The following ROBO2 variants were observed in gnomAD, a reference collection of about 807,000 sequenced individuals.
The protein encoded by ROBO2 is roundabout homolog 2.
In ROBO2, 53 loss-of-function variants were observed where a neutral mutation model predicts 160.8. The observed-to-expected ratio is 0.33, with a 90% CI of 0.26 to 0.41. The LOEUF (loss-of-function observed/expected upper bound fraction) is 0.41. Among genes scored for constraint, ROBO2 ranks in the 10% least tolerant of loss-of-function variants. The pLI, the probability that ROBO2 is intolerant of heterozygous loss-of-function variation, is 1.00. For synonymous variants in ROBO2, 664 were observed against 611.7 expected (o/e 1.09, Z -1.26); for missense variants, 1,577 against 1,722.4 (o/e 0.92, Z 1.49).
At chr3:76,428,148 TA>T (rs538169341) in intron 2 of ROBO2, among the ~76,000 whole-genome samples, 275 of 152,218 alleles carry the variant, frequency 1.8e-3, no homozygotes, top group South Asian at 5.0e-3. Context: ...CAGCAGGAAA[TA>T]TTAAAATATA....
intron 2 of ROBO2, among the ~76,000 whole-genome samples, chr3:77,372,687 C>G (rs538110616): frequency 6.6e-6 from 1 of 152,156 alleles, no homozygotes; most frequent in South Asian, 2.1e-4. Flanking sequence ...ACAATTCTTT[C>G]TCGGTACAGG....
intron 2 of ROBO2, among the ~76,000 whole-genome samples, chr3:76,262,625 A>G (rs548006631): frequency 6.6e-6 from 1 of 152,232 alleles, no homozygotes; most frequent in South Asian, 2.1e-4. Context: ...CAGCTTTTCT[A>G]ATCTCCCACA....
chr3:77,279,578 TGTG>T (rs1391708856), intron 2 of ROBO2, among the ~76,000 whole-genome samples: 2 of 152,156 alleles, frequency 1.3e-5, no homozygotes, highest in African/African-American at 2.4e-5. Flanking sequence ...TCATTTCTGT[TGTG>T]GTTGTTGTTT....
rs1559706468 is a variant in ROBO2 at position 76,272,937 on chromosome 3, A to AAATATATATATTT, written c.109+335336_109+335337insATATATATATTTA. ...TATAAAATATATATATTTATATATA[A>AAATATATATATTT]ATATATAAAATATATAATATATATT... On this transcript the variant is annotated intron_variant, in intron 2 of 26. Coordinates refer to the ROBO2 transcript ENST00000487694. Among the ~76,000 whole-genome samples the AAATATATATATTT allele has an allele frequency of 8.9e-3, 208 of 23,326 alleles. 3 individuals carry two copies. Among genetic ancestry groups the AAATATATATATTT allele is most frequent in the Middle Eastern group, 0.045 (1 of 22 alleles). The allele number at this position is 23,326 out of a possible 152,430, so 15.3% of individuals were successfully genotyped here.
At chr3:76,903,220 A>G (rs1412378627) in intron 2 of ROBO2, among the ~76,000 whole-genome samples, 1 of 152,120 alleles carries the variant, frequency 6.6e-6, no homozygotes, top group East Asian at 1.9e-4. Flanking sequence ...TTGCATCTTT[A>G]TCAAAACCAA....
intron 2 of ROBO2, among the ~76,000 whole-genome samples, chr3:76,895,580 T>C (rs1476086049): frequency 6.6e-6 from 1 of 152,154 alleles, no homozygotes. Flanking sequence ...GTTTTAAAAA[T>C]AGCTTTGTAA....
chr3:77,214,657 G>T (rs1438738762), intron 2 of ROBO2, among the ~76,000 whole-genome samples: 1 of 152,178 alleles, frequency 6.6e-6, no homozygotes, highest in Non-Finnish European at 1.5e-5. Flanking sequence ...ATTAGTTGAT[G>T]CAGTTTCTTC....
intron 2 of ROBO2, among the ~76,000 whole-genome samples, chr3:76,078,066 G>T (rs1221145635): frequency 6.6e-6 from 1 of 152,044 alleles, no homozygotes; most frequent in Admixed American, 6.6e-5. Context: ...CACAATACTG[G>T]AATATATTCT....
intron 2 of ROBO2, among the ~76,000 whole-genome samples, chr3:76,111,701 ACT>A (rs1416515742): frequency 7.9e-5 from 12 of 151,866 alleles, no homozygotes; most frequent in Non-Finnish European, 1.8e-4. Flanking sequence ...CCTCCATGAG[ACT>A]CTACTCTGCT....
intron 2 of ROBO2, among the ~76,000 whole-genome samples, chr3:76,513,523 G>A (rs1479734497): frequency 6.6e-6 from 1 of 151,992 alleles, no homozygotes; most frequent in African/African-American, 2.4e-5. Flanking sequence ...GCCTGGCGTG[G>A]CCTCCCAAAG....
At chr3:76,410,320 G>A (rs148821647) in intron 2 of ROBO2, among the ~76,000 whole-genome samples, 98 of 152,168 alleles carry the variant, frequency 6.4e-4, no homozygotes, top group East Asian at 1.2e-3. Context: ...CAGCAGGACG[G>A]ACGGTGTATA....
intron 2 of ROBO2, among the ~76,000 whole-genome samples, chr3:77,387,338 CA>C (rs59885508): frequency 0.47 from 57,736 of 121,616 alleles, 12,634 homozygotes; most frequent in Middle Eastern, 0.56. Flanking sequence ...CCCCGTCTCT[CA>C]AAAAAAAAAA....
At chr3:76,677,618 G>A (rs1194291993) in intron 2 of ROBO2, among the ~76,000 whole-genome samples, 2 of 152,076 alleles carry the variant, frequency 1.3e-5, no homozygotes, top group Non-Finnish European at 2.9e-5. Flanking sequence ...AGAGTGCGAG[G>A]TGGCAGAAAA....
chr3:77,021,259 G>A (rs1300644584), intron 2 of ROBO2, among the ~76,000 whole-genome samples: 1 of 152,048 alleles, frequency 6.6e-6, no homozygotes, highest in African/African-American at 2.4e-5. Context: ...GGCATGCTGA[G>A]TACTTTGAAC....
intron 5 of ROBO2, among the ~76,000 whole-genome samples, chr3:77,509,800 T>A (rs1171721760): frequency 6.6e-6 from 1 of 152,092 alleles, no homozygotes; most frequent in East Asian, 1.9e-4. Context: ...CACGGCTGCC[T>A]ACTAGGTTCA....
At chr3:76,565,131 T>C (rs1276008624) in intron 2 of ROBO2, among the ~76,000 whole-genome samples, 1 of 152,184 alleles carries the variant, frequency 6.6e-6, no homozygotes, top group Non-Finnish European at 1.5e-5. Flanking sequence ...TGGGGGAAGG[T>C]AGCTCTACCC....
chr3:76,732,045 A>G (rs2093645115), intron 2 of ROBO2, among the ~76,000 whole-genome samples: 1 of 152,180 alleles, frequency 6.6e-6, no homozygotes, highest in South Asian at 2.1e-4. Flanking sequence ...TCACCCGGGA[A>G]TCATGTGATT....
chr3:76,929,558 C>T (rs1289545292), intron 2 of ROBO2, among the ~76,000 whole-genome samples: 2 of 152,242 alleles, frequency 1.3e-5, no homozygotes, highest in African/African-American at 4.8e-5. Context: ...GTTCTCCCTG[C>T]TTCCACTATT....
At chr3:77,212,565 A>T (rs990479157) in intron 2 of ROBO2, among the ~76,000 whole-genome samples, 26 of 152,138 alleles carry the variant, frequency 1.7e-4, no homozygotes, top group African/African-American at 6.0e-4. Flanking sequence ...AATCCCCTTT[A>T]TTTCCTTCTC....
Sources: allele counts gnomAD v4.1 joint callset (sites outside exome capture counted in the v4.1 genomes callset), GRCh38; gene constraint gnomAD v4.1.1; transcripts MANE v1.5; gene names NCBI Gene and HGNC (gene_info 2026-07-23, HGNC 2026-07-21).